HAUS7: variants seen among roughly 807,000 people sequenced by gnomAD.
HAUS7 encodes HAUS augmin like complex subunit 7, also known as HAUS augmin-like complex subunit 7.
HAUS7 carries 3 observed loss-of-function variants against 28.4 expected under a neutral mutation model. The observed-to-expected ratio is 0.11, with a 90% CI of 0.05 to 0.27. HAUS7 has a LOEUF of 0.27. Among genes scored for constraint, HAUS7 ranks in the 10% least tolerant of loss-of-function variants. HAUS7 has a pLI of 1.00. For synonymous variants in HAUS7, 165 were observed against 132.1 expected (o/e 1.25, Z -1.71); for missense variants, 284 against 297.3 (o/e 0.96, Z 0.33).
intron 1 of HAUS7, among the ~76,000 whole-genome samples, chrX:153,489,703 C>A (rs145324794): frequency 1.8e-5 from 2 of 112,561 alleles, no homozygotes; most frequent in African/African-American, 6.4e-5. Flanking sequence ...GGCCTGAGAC[C>A]TGGGTGGGAC....
chrX:153,460,924 A>G (rs2089381449), intron 4 of HAUS7, among the ~76,000 whole-genome samples: 1 of 112,632 alleles, frequency 8.9e-6, no homozygotes, highest in African/African-American at 3.2e-5. Context: ...GAAACGGCTC[A>G]AGAAAGTGAC....
At chrX:153,476,428 A>G (rs1685028110) in intron 1 of HAUS7, among the ~76,000 whole-genome samples, 1 of 111,956 alleles carries the variant, frequency 8.9e-6, no homozygotes, top group Non-Finnish European at 1.9e-5. Flanking sequence ...CAGGCTACCA[A>G]TCTGAGTCCC....
chrX:153,448,106 C>G (rs1556980414), intron 9 of HAUS7, among the ~76,000 whole-genome samples, 197 bp from the exon 10 acceptor site: 1 of 109,930 alleles, frequency 9.1e-6, no homozygotes, highest in African/African-American at 3.4e-5. Context: ...ATGTTTATTG[C>G]AGCACTATTC....
At chrX:153,465,312 CAAAAAAAAA>C (rs72146941) in intron 2 of HAUS7, among the ~76,000 whole-genome samples, 1 of 57,178 alleles carries the variant, frequency 1.7e-5, no homozygotes, top group African/African-American at 6.8e-5. Context: ...TTCTCAAGAC[CAAAAAAAAA>C]AAAAAAAAAA....
intron 9 of HAUS7, among the ~76,000 whole-genome samples, chrX:153,451,140 T>C (rs1165529919): frequency 5.4e-5 from 6 of 112,057 alleles, no homozygotes; most frequent in Admixed American, 9.4e-5. Context: ...CACAACGCAC[T>C]GCCCAGTTCA....
Position 153,479,805 on chromosome X carries a change from G to A in HAUS7, c.-588-8660C>T, listed in dbSNP as rs1018928845. 6.3e-5 allele frequency among the ~76,000 whole-genome samples: 7 copies of A among 111,592 alleles called. No homozygotes were observed. The South Asian group carries it at 1.5e-3, about 24-fold the overall frequency. On this transcript the variant is annotated intron_variant, in intron 1 of 5. Transcript: ENST00000370210. ...TGGCCCTGCCCCAGGCTTGGGGGTA[G>A]GGCGGGAGGGGCCAGGTGGGTGGGT...
intron 1 of HAUS7, among the ~76,000 whole-genome samples, chrX:153,489,579 C>A (rs1273856309): frequency 8.9e-6 from 1 of 112,245 alleles, no homozygotes; most frequent in Admixed American, 9.4e-5. Flanking sequence ...GATGGGGATG[C>A]TGAGGTGATG....
intron 1 of HAUS7, chrX:153,481,003 A>G: frequency 1.3e-6 from 1 of 754,890 alleles, no homozygotes; most frequent in African/African-American, 2.3e-5. Flanking sequence ...AGGCCCCCCA[A>G]AGGTGAGAAC....
intron 1 of HAUS7, chrX:153,483,552 C>A: frequency 1.5e-6 from 1 of 646,079 alleles, no homozygotes. Context: ...GAGGGCAATG[C>A]TGAGCCACGG....
chrX:153,487,447 C>T (rs1457339458), intron 1 of HAUS7, among the ~76,000 whole-genome samples: 1 of 112,016 alleles, frequency 8.9e-6, no homozygotes, highest in Non-Finnish European at 1.9e-5. Flanking sequence ...TGGCACCTCT[C>T]GGGAAGCCCC....
Position 153,461,203 on chromosome X carries a change from G to A in HAUS7, c.354+1407C>T, listed in dbSNP as rs781998903. ...ATATGTATACAAATATAAATTGTGT[G>A]GAGAATACATTTTCCCAGAGCCAAA... is the stretch of plus-strand genomic sequence containing the variant. On this transcript the variant is annotated intron_variant, in intron 4 of 9. Transcript: ENST00000370211. 9.8e-5 allele frequency among the ~76,000 whole-genome samples: 11 copies of A among 112,679 alleles called. No homozygotes were observed. In the Admixed American group the frequency reaches 1.0e-3, roughly 11 times the overall value.
At chrX:153,474,846 G>C (rs1372883015), upstream of HAUS7, among the ~76,000 whole-genome samples, 3 of 111,214 alleles carry the variant, frequency 2.7e-5, no homozygotes, top group East Asian at 8.6e-4. Flanking sequence ...CCGCGCAGGC[G>C]GCGGCAAAGG....
chrX:153,456,133 G>T, intron 7 of HAUS7, 132 bp downstream of exon 7: 1 of 522,223 alleles, frequency 1.9e-6, no homozygotes, highest in South Asian at 2.9e-5. Flanking sequence ...CCCGCGGACT[G>T]AGCACCACAG....
At chrX:153,474,567 G>A (rs1556985890), upstream of HAUS7, among the ~76,000 whole-genome samples, 1 of 111,667 alleles carries the variant, frequency 9.0e-6, no homozygotes, top group African/African-American at 3.2e-5. Context: ...CTGGCAGGGA[G>A]GCAGTGGCTC....
chrX:153,465,632 C>T (rs1361578342), intron 2 of HAUS7, among the ~76,000 whole-genome samples: 1 of 112,767 alleles, frequency 8.9e-6, no homozygotes, highest in Non-Finnish European at 1.9e-5. Context: ...GACTGCAGCA[C>T]ACAGGGGCCG....
intron 2 of HAUS7, among the ~76,000 whole-genome samples, chrX:153,467,024 C>T (rs918303416): frequency 2.7e-5 from 3 of 111,886 alleles, no homozygotes; most frequent in East Asian, 2.8e-4. Flanking sequence ...GCCTCCTACC[C>T]GTCCCTCTCT....
At chrX:153,462,934 G>A in intron 3 of HAUS7, 1 of 437,934 alleles carries the variant, frequency 2.3e-6, no homozygotes, top group Non-Finnish European at 4.1e-6. Context: ...TTGAGCAGAA[G>A]CCAGCAGCTG....
chrX:153,481,071 A>G, intron 1 of HAUS7: 1 of 718,042 alleles, frequency 1.4e-6, no homozygotes, highest in Non-Finnish European at 1.7e-6. Flanking sequence ...TGACAGGACC[A>G]CGCATGAGTT....
intron 9 of HAUS7, among the ~76,000 whole-genome samples, chrX:153,451,295 T>C (rs1569530533): frequency 8.9e-6 from 1 of 112,907 alleles, no homozygotes; most frequent in East Asian, 2.8e-4. Flanking sequence ...TGGCACACTG[T>C]TGCGAATACC....
Sources: allele counts gnomAD v4.1 joint callset (sites outside exome capture counted in the v4.1 genomes callset), GRCh38; gene constraint gnomAD v4.1.1; transcripts MANE v1.5; gene names NCBI Gene and HGNC (gene_info 2026-07-23, HGNC 2026-07-21).